Variants in HHAT observed in about 807,000 individuals in gnomAD.
HHAT encodes hedgehog acyltransferase, also known as protein-cysteine N-palmitoyltransferase HHAT.
In HHAT, 47 loss-of-function variants were observed where a neutral mutation model predicts 70.8. The ratio of observed to expected loss-of-function variants is 0.66; its 90% confidence interval spans 0.53 to 0.85. The LOEUF (loss-of-function observed/expected upper bound fraction) is 0.85, where lower values mean the gene tolerates loss of function less well. Among genes scored for constraint, HHAT ranks in the 40% least tolerant of loss-of-function variants. The pLI is 0.00. For synonymous variants in HHAT, 228 were observed against 247.6 expected (o/e 0.92, Z 0.74); for missense variants, 609 against 604.8 (o/e 1.01, Z -0.07).
chr1:210,603,879 T>C (rs1013705641), intron 10 of HHAT, among the ~76,000 whole-genome samples: 1 of 152,222 alleles, frequency 6.6e-6, no homozygotes, highest in Admixed American at 6.5e-5. Context: ...TACTTGTGAT[T>C]ACTGACATGT....
chr1:210,589,116 A>G (rs1432875865), intron 10 of HHAT: 2 of 152,240 alleles, frequency 1.3e-5, no homozygotes, highest in African/African-American at 4.8e-5. Context: ...ATGGCAGGCA[A>G]TCACACACAG....
intron 4 of HHAT, among the ~76,000 whole-genome samples, chr1:210,392,281 C>G (rs1372099149): frequency 6.6e-6 from 1 of 152,178 alleles, no homozygotes; most frequent in African/African-American, 2.4e-5. Context: ...CCCCACGTCT[C>G]TGGGCCATAC....
At chr1:210,331,129 A>G (rs1289796145) in intron 1 of HHAT, among the ~76,000 whole-genome samples, 1 of 152,080 alleles carries the variant, frequency 6.6e-6, no homozygotes, top group Non-Finnish European at 1.5e-5. Context: ...CCCCACCTGC[A>G]TTACATTTAT....
intron 11 of HHAT, among the ~76,000 whole-genome samples, chr1:210,642,587 T>G (rs1482735897): frequency 6.6e-6 from 1 of 152,218 alleles, no homozygotes; most frequent in African/African-American, 2.4e-5. Context: ...TAATTTGCAT[T>G]TCCTTGATGA....
At chr1:210,343,464 G>A (rs1266031203) in intron 1 of HHAT, among the ~76,000 whole-genome samples, 1 of 152,162 alleles carries the variant, frequency 6.6e-6, no homozygotes, top group Non-Finnish European at 1.5e-5. Context: ...AACCATTGCA[G>A]TCAGCTACAG....
chr1:210,380,723 C>CT (rs2090568910), intron 3 of HHAT, among the ~76,000 whole-genome samples: 1 of 151,920 alleles, frequency 6.6e-6, no homozygotes, highest in Non-Finnish European at 1.5e-5. Context: ...AAAGATATGT[C>CT]CTCATTCACA....
intron 11 of HHAT, among the ~76,000 whole-genome samples, chr1:210,642,282 A>G (rs899005920): frequency 2.0e-5 from 3 of 152,232 alleles, no homozygotes; most frequent in Admixed American, 2.0e-4. Flanking sequence ...TGAACATACC[A>G]CAATTCATGT....
Position 210,464,752 on chromosome 1 carries a change from G to A in HHAT, c.1007+97G>A, listed in dbSNP as rs145967679. 1,399 of 1,248,888 alleles carry A rather than the reference G, an allele frequency of 1.1e-3. 1 individual carries two copies. The highest frequency in any genetic ancestry group is 1.4e-3 in the Admixed American group (67 of 47,466). The allele number at this position is 1,248,888 out of a possible 1,614,324, so 77.4% of individuals were successfully genotyped here. On this transcript the variant is annotated intron_variant, in intron 8 of 11. Transcript: ENST00000261458. Reference sequence around the variant, plus strand: ...GGGTTCGGGCTACTATCCTCTCCCTGTCTCTCACTCAAGCTGCATTTGGCA... The same window carrying A: ...GGGTTCGGGCTACTATCCTCTCCCTATCTCTCACTCAAGCTGCATTTGGCA...
chr1:210,615,344 C>G (rs572825282), intron 10 of HHAT, among the ~76,000 whole-genome samples: 7 of 152,168 alleles, frequency 4.6e-5, no homozygotes, highest in East Asian at 3.9e-4. Flanking sequence ...TTCGTCTAAT[C>G]TTTTTTCAAT....
chr1:210,528,907 C>G (rs972400366), intron 9 of HHAT, among the ~76,000 whole-genome samples: 1 of 152,118 alleles, frequency 6.6e-6, no homozygotes, highest in African/African-American at 2.4e-5. Context: ...ATTATTACCC[C>G]CTGGGATACC....
chr1:210,553,292 C>T (rs2095543475), intron 9 of HHAT, among the ~76,000 whole-genome samples: 2 of 152,182 alleles, frequency 1.3e-5, no homozygotes, highest in African/African-American at 4.8e-5. Context: ...TCTTCTTCAG[C>T]TGTCAACTTG....
At chr1:210,396,702 G>A (rs958172739) in intron 4 of HHAT, among the ~76,000 whole-genome samples, 4 of 152,212 alleles carry the variant, frequency 2.6e-5, no homozygotes, top group African/African-American at 7.2e-5. Flanking sequence ...ATAGCCTCCA[G>A]TAGGTTAATG....
chr1:210,609,565 T>C (rs1165254790), intron 10 of HHAT, among the ~76,000 whole-genome samples: 6 of 152,180 alleles, frequency 3.9e-5, no homozygotes, highest in Admixed American at 6.6e-5. Flanking sequence ...ATTTATTATA[T>C]AGGTAGATGT....
At chr1:210,507,153 C>T (rs1433957911) in intron 8 of HHAT, among the ~76,000 whole-genome samples, 2 of 152,036 alleles carry the variant, frequency 1.3e-5, no homozygotes, top group Non-Finnish European at 2.9e-5. Flanking sequence ...AGTCATGAGA[C>T]TGGGAATAAA....
chr1:210,558,497 G>C (rs78418975), intron 9 of HHAT, among the ~76,000 whole-genome samples: 1,831 of 152,288 alleles, frequency 0.012, 26 homozygotes, highest in African/African-American at 0.037. Flanking sequence ...TGTTTGTGTT[G>C]GCTTGAGCAG....
At chr1:210,646,023 T>C (rs944307162) in intron 11 of HHAT, among the ~76,000 whole-genome samples, 1 of 152,074 alleles carries the variant, frequency 6.6e-6, no homozygotes, top group African/African-American at 2.4e-5. Context: ...AGCTGAGAGA[T>C]AAAAGAGGAA....
At chr1:210,593,154 T>C (rs1662142863) in intron 10 of HHAT, among the ~76,000 whole-genome samples, 1 of 152,204 alleles carries the variant, frequency 6.6e-6, no homozygotes, top group East Asian at 1.9e-4. Context: ...ACTTTTCATT[T>C]CATTGATTTT....
chr1:210,514,844 T>A (rs2095027627), intron 9 of HHAT, among the ~76,000 whole-genome samples: 1 of 152,236 alleles, frequency 6.6e-6, no homozygotes, highest in Admixed American at 6.5e-5. Context: ...TTTGAAGCTT[T>A]CCATGTGTTT....
chr1:210,511,070 A>G lies in HHAT; in HGVS notation c.1008-2083A>G, dbSNP rs2148576941. ...CTGTCTGTGGTGTGGATATTTATTT[A>G]TGGGGCTGAACAAAGTAGCCTTGGT... On this transcript the variant is annotated intron_variant, in intron 8 of 11. Transcript: ENST00000261458. Among the ~76,000 whole-genome samples the G allele has an allele frequency of 5.9e-5, 9 of 152,316 alleles. 1 individual carries two copies. In the South Asian group the frequency reaches 1.9e-3, roughly 32 times the overall value.
Sources: gnomAD v4.1 joint callset for allele counts (sites outside exome capture counted in the v4.1 genomes callset) on GRCh38, gnomAD v4.1.1 for gene constraint, MANE v1.5 for transcripts, NCBI Gene and HGNC (gene_info 2026-07-23, HGNC 2026-07-21) for gene names.